Variants in HERC6 observed in about 807,000 individuals in gnomAD.
The protein encoded by HERC6 is probable E3 ubiquitin-protein ligase HERC6.
In HERC6, 101 loss-of-function variants were observed where a neutral mutation model predicts 114.5. The observed-to-expected ratio is 0.88, with a 90% confidence interval of 0.75 to 1.04. The LOEUF is 1.04. HERC6 is among the 50% of genes least tolerant of loss of function. The probability of loss-of-function intolerance (pLI) is 0.00; values close to 1 mark genes in which losing one functional copy is unlikely to be tolerated. For synonymous variants in HERC6, 408 were observed against 436.2 expected, an observed-to-expected ratio of 0.94 and a Z score of 0.81; for missense variants, 1,133 against 1,230.9, an observed-to-expected ratio of 0.92 and a Z score of 1.19.
At chr4:88,417,002 TAAAATCC>T (rs1448337716) in intron 12 of HERC6, among the ~76,000 whole-genome samples, 1 of 152,208 alleles carries the variant, frequency 6.6e-6, no homozygotes, top group Non-Finnish European at 1.5e-5. Flanking sequence ...CAGATGTTCA[TAAAATCC>T]AAACACATAT....
intron 17 of HERC6, among the ~76,000 whole-genome samples, chr4:88,432,956 C>T (rs1301991152): frequency 1.4e-5 from 2 of 147,926 alleles, no homozygotes; most frequent in Admixed American, 6.7e-5. Flanking sequence ...GGTGTGGTGG[C>T]ACGAGCCTGT....
intron 17 of HERC6, among the ~76,000 whole-genome samples, chr4:88,433,169 TTTCA>T (rs1231644305): frequency 4.6e-5 from 7 of 152,228 alleles, no homozygotes; most frequent in African/African-American, 1.7e-4. Flanking sequence ...GAAATTGTAA[TTTCA>T]TACAATATTT....
At chr4:88,382,728 G>A (rs192899972) in intron 1 of HERC6, among the ~76,000 whole-genome samples, 15 of 152,304 alleles carry the variant, frequency 9.8e-5, no homozygotes, top group Non-Finnish European at 1.5e-4. Context: ...GGAGGTGCAA[G>A]GAGATGCCAG....
intron 1 of HERC6, among the ~76,000 whole-genome samples, chr4:88,380,585 C>A (rs1272354293): frequency 1.4e-5 from 2 of 147,370 alleles, no homozygotes; most frequent in Middle Eastern, 3.5e-3. Flanking sequence ...GGCGTGGTGG[C>A]GGGCGCCTGT....
chr4:88,415,209 A>G (rs1736370946), intron 12 of HERC6, among the ~76,000 whole-genome samples: 1 of 152,174 alleles, frequency 6.6e-6, no homozygotes, highest in Non-Finnish European at 1.5e-5. Flanking sequence ...TTCCTCTTCC[A>G]CAACTTGCTT....
chr4:88,441,367 G>A (rs1289209695), intron 22 of HERC6, among the ~76,000 whole-genome samples: 1 of 152,236 alleles, frequency 6.6e-6, no homozygotes. Flanking sequence ...GCAACCCTAC[G>A]AGGTAGGTAC....
At chr4:88,413,343 TAGA>T (rs1368521162) in intron 12 of HERC6, 77 bp downstream of exon 12, 11 of 1,019,106 alleles carry the variant, frequency 1.1e-5, no homozygotes, top group East Asian at 1.0e-4. Context: ...AAATTTTGAA[TAGA>T]AGATTTCAAA....
At position 88,396,177 on chromosome 4, in the gene HERC6, G is replaced by T. The variant is rs116708165; in HGVS notation, c.887+35G>T. 1,985 of 1,494,988 alleles carry T rather than the reference G, an allele frequency of 1.3e-3. 11 individuals carry two copies. The African/African-American group carries it at 0.021, about 16-fold the overall frequency. The allele number at this position is 1,494,988 out of a possible 1,614,324, so 92.6% of individuals were successfully genotyped here. A position where few individuals can be genotyped will look rare whatever the true frequency, so the allele number is the denominator to read the frequency against. On this transcript the variant is annotated intron_variant, in intron 6 of 22. Transcript: ENST00000264346. ...TTCTTCTTCTTCTTTTTCTTAGCAT[G>T]TGTAGAAAGTGTTATATTTTATTAC...
At chr4:88,431,813 A>G (rs953469834) in intron 17 of HERC6, among the ~76,000 whole-genome samples, 1 of 152,154 alleles carries the variant, frequency 6.6e-6, no homozygotes, top group Non-Finnish European at 1.5e-5. Flanking sequence ...CCTGACCTCA[A>G]GTGATCCACC....
At chr4:88,398,536 G>C in intron 8 of HERC6, 1 of 190,980 alleles carries the variant, frequency 5.2e-6, no homozygotes, top group Non-Finnish European at 1.1e-5. Context: ...GGAGGGAACT[G>C]AATTTTCCCT....
chr4:88,386,196 T>C lies in HERC6; in HGVS notation c.436+621T>C, dbSNP rs1734567479. Among the ~76,000 whole-genome samples the C allele has an allele frequency of 2.0e-5, 3 of 149,274 alleles. No homozygotes were observed. In the South Asian group the frequency reaches 6.3e-4, roughly 31 times the overall value. On this transcript the variant is annotated intron_variant, in intron 3 of 22. Coordinates refer to ENST00000264346, the MANE Select transcript of HERC6 (RefSeq NM_017912.4). ...AAGGCACCCAATTTATCTTTTTTCTTTTCTTTTTTTTTTTTTTTTTCTTTT... is the reference window on the plus strand; with the variant it reads ...AAGGCACCCAATTTATCTTTTTTCTCTTCTTTTTTTTTTTTTTTTTCTTTT...
At chr4:88,395,339 T>C (rs17790863) in intron 5 of HERC6, among the ~76,000 whole-genome samples, 2,262 of 152,314 alleles carry the variant, frequency 0.015, 26 homozygotes, top group Non-Finnish European at 0.022. Flanking sequence ...CATACTTAAA[T>C]GTTGGTTTTA....
chr4:88,384,046 CCTTTATCATACTAA>C (rs1734455149), intron 2 of HERC6, among the ~76,000 whole-genome samples: 1 of 152,088 alleles, frequency 6.6e-6, no homozygotes, highest in Admixed American at 6.6e-5. Flanking sequence ...ACCTGAACTT[CCTTTATCATACTAA>C]AACAGAGCCT....
intron 11 of HERC6, among the ~76,000 whole-genome samples, chr4:88,411,858 G>A (rs1736123774): frequency 6.6e-6 from 1 of 152,212 alleles, no homozygotes; most frequent in Non-Finnish European, 1.5e-5. Context: ...AAGTTCCCAT[G>A]AGAGGTTTCA....
chr4:88,405,020 A>G (rs1735753323), intron 9 of HERC6, 23 bp downstream of exon 9: 2 of 1,609,394 alleles, frequency 1.2e-6, no homozygotes, highest in African/African-American at 2.7e-5. Context: ...GATAAATTAT[A>G]AGCCACTTTT....
chr4:88,432,122 C>G (rs1162466501), intron 17 of HERC6, among the ~76,000 whole-genome samples: 2 of 152,062 alleles, frequency 1.3e-5, no homozygotes, highest in African/African-American at 4.8e-5. Context: ...GTGGGAAATT[C>G]CACTCATAAG....
chr4:88,424,752 T>C (rs1268920599), intron 15 of HERC6, 50 bp downstream of exon 15: 30 of 1,092,462 alleles, frequency 2.7e-5, no homozygotes, highest in Non-Finnish European at 4.1e-5. Context: ...ATATATAAAA[T>C]AGAGATAGTG....
rs532109561 is a variant in HERC6, at chr4:88,442,688, C to T, written c.*228C>T. ...GATCTAAGGATGACTTGGACACACTCCCTGGCACTGAAGAGTCTGAACACT... is the reference window on the plus strand; with the variant it reads ...GATCTAAGGATGACTTGGACACACTTCCTGGCACTGAAGAGTCTGAACACT... On this transcript the variant is annotated 3_prime_UTR_variant, in exon 23 of 23. Coordinates refer to ENST00000264346, the MANE Select transcript of HERC6 (RefSeq NM_017912.4). 362 of 560,202 alleles carry T rather than the reference C, an allele frequency of 6.5e-4. 4 individuals carry two copies. Among genetic ancestry groups the T allele is most frequent in the Non-Finnish European group, 6.1e-4 (191 of 311,862 alleles). The allele number at this position is 560,202 out of a possible 1,614,324, so 34.7% of individuals were successfully genotyped here.
At chr4:88,408,824 A>G (rs539999524) in intron 11 of HERC6, among the ~76,000 whole-genome samples, 1 of 152,228 alleles carries the variant, frequency 6.6e-6, no homozygotes, top group Admixed American at 6.5e-5. Flanking sequence ...CATGTAGGAG[A>G]CAGAATTATT....
Sources: gnomAD v4.1 joint callset for allele counts (sites outside exome capture counted in the v4.1 genomes callset) on GRCh38, gnomAD v4.1.1 for gene constraint, MANE v1.5 for transcripts, NCBI Gene and HGNC (gene_info 2026-07-23, HGNC 2026-07-21) for gene names.